Variants in EVL observed in about 807,000 individuals in gnomAD.
The protein encoded by EVL is Enah/Vasp-like.
Under a neutral mutation model 59.6 loss-of-function variants are expected in EVL, and 21 were observed. That is an observed-to-expected ratio of 0.35 (90% CI 0.25 to 0.51). EVL has a LOEUF of 0.51. Ranked by LOEUF, EVL falls within the 20% of genes least tolerant of loss-of-function variation. The pLI, the probability that EVL is intolerant of heterozygous loss-of-function variation, is 0.97. For synonymous variants in EVL, 198 were observed against 203.5 expected (o/e 0.97, Z 0.23); for missense variants, 462 against 546.6 (o/e 0.85, Z 1.54).
At chr14:99,990,910 G>A (rs568804992) in intron 1 of EVL, among the ~76,000 whole-genome samples, 1 of 152,234 alleles carries the variant, frequency 6.6e-6, no homozygotes, top group Admixed American at 6.5e-5. Context: ...GAGAGGGGGT[G>A]TGTATGTGTG....
chr14:99,997,996 C>A (rs2060924574), intron 1 of EVL, among the ~76,000 whole-genome samples: 1 of 152,042 alleles, frequency 6.6e-6, no homozygotes, highest in Non-Finnish European at 1.5e-5. Context: ...CATTCAACAA[C>A]TCTTTATTTA....
intron 1 of EVL, among the ~76,000 whole-genome samples, chr14:99,984,526 TAC>T (rs1261422709): frequency 1.3e-5 from 2 of 152,220 alleles, no homozygotes; most frequent in African/African-American, 4.8e-5. Context: ...GAGAAGGTTG[TAC>T]AGAGAGTTCC....
At chr14:100,065,223 G>A (rs1024961466), upstream of EVL, 2 of 209,040 alleles carry the variant, frequency 9.6e-6, no homozygotes, top group Admixed American at 5.9e-5. Flanking sequence ...TGCCAGCTGT[G>A]GGGGGTTGGG....
At chr14:100,123,662 G>C in intron 4 of EVL, 60 bp downstream of exon 4, 1 of 1,579,152 alleles carries the variant, frequency 6.3e-7, no homozygotes, top group Non-Finnish European at 8.7e-7. Flanking sequence ...GGTGGCCAGG[G>C]GTGCCTTCAG....
At chr14:99,975,560 G>A (rs2060764577) in intron 1 of EVL, among the ~76,000 whole-genome samples, 1 of 152,198 alleles carries the variant, frequency 6.6e-6, no homozygotes, top group Non-Finnish European at 1.5e-5. Flanking sequence ...GGGGGGTTAG[G>A]GGGGTAGTTT....
chr14:100,142,494 A>G (rs776340969), intron 13 of EVL, among the ~76,000 whole-genome samples: 4 of 152,252 alleles, frequency 2.6e-5, no homozygotes, highest in South Asian at 4.1e-4. Flanking sequence ...CCAGCTCCCC[A>G]CGTGCCTCCC....
intron 1 of EVL, among the ~76,000 whole-genome samples, chr14:100,016,748 G>A (rs945084369): frequency 6.6e-6 from 1 of 152,314 alleles, no homozygotes; most frequent in Admixed American, 6.5e-5. Flanking sequence ...AGTGGTCGAG[G>A]ATTTCTAGCC....
intron 4 of EVL, among the ~76,000 whole-genome samples, chr14:100,126,089 T>C (rs1046689754): frequency 2.4e-4 from 37 of 152,326 alleles, no homozygotes; most frequent in African/African-American, 7.2e-4. Flanking sequence ...GAGATGTATC[T>C]GGGCCTCAGT....
chr14:99,981,803 A>G (rs1428552719), intron 1 of EVL, among the ~76,000 whole-genome samples: 2 of 152,240 alleles, frequency 1.3e-5, no homozygotes, highest in Non-Finnish European at 2.9e-5. Context: ...ATTGGAAAAA[A>G]TGATGTCAAT....
At chr14:100,039,363 A>G (rs2061433908) in intron 1 of EVL, among the ~76,000 whole-genome samples, 2 of 152,234 alleles carry the variant, frequency 1.3e-5, no homozygotes, top group East Asian at 1.9e-4. Flanking sequence ...CAGCCTCCCA[A>G]GTAGCTGGGA....
At chr14:100,094,828 T>G (rs981626935) in intron 2 of EVL, among the ~76,000 whole-genome samples, 13 of 151,732 alleles carry the variant, frequency 8.6e-5, no homozygotes, top group Non-Finnish European at 1.6e-4. Context: ...GATCACGAGG[T>G]CAGGAGATTG....
At chr14:100,138,872 G>C (rs1489221545) in intron 11 of EVL, 2 of 152,326 alleles carry the variant, frequency 1.3e-5, no homozygotes, top group Admixed American at 6.5e-5. Context: ...GAGATCATGG[G>C]GACAGCCTCC....
chr14:100,087,594 A>T (rs1595157078), intron 2 of EVL, among the ~76,000 whole-genome samples: 2 of 152,352 alleles, frequency 1.3e-5, no homozygotes, highest in East Asian at 3.9e-4. Flanking sequence ...AGCCTGGGTG[A>T]CAGGGCGAGA....
chr14:100,134,597 T>C (rs937442285), intron 8 of EVL: 2 of 152,270 alleles, frequency 1.3e-5, no homozygotes, highest in African/African-American at 4.8e-5. Context: ...GAGAGGCTGA[T>C]GGCCGGCACT....
chr14:100,103,635 G>C (rs1886371551), intron 3 of EVL, among the ~76,000 whole-genome samples: 1 of 152,100 alleles, frequency 6.6e-6, no homozygotes, highest in African/African-American at 2.4e-5. Flanking sequence ...CCCAGGTGAG[G>C]ATGAGGCGCC....
intron 1 of EVL, among the ~76,000 whole-genome samples, chr14:100,081,694 G>A (rs1384491675): frequency 6.6e-6 from 1 of 152,084 alleles, no homozygotes; most frequent in African/African-American, 2.4e-5. Flanking sequence ...GGTTCTCTAC[G>A]TGCCGTGCAG....
chr14:100,119,053 C>G lies in EVL; in HGVS notation c.359-4486C>G, dbSNP rs1421951045. 2.0e-5 allele frequency among the ~76,000 whole-genome samples: 3 copies of G among 152,346 alleles called. 1 individual carries two copies. In the Middle Eastern group the frequency reaches 0.01, roughly 518 times the overall value. ...GAGGTCAGCCAGGGAACCTATGGCC[C>G]GTCCTGCTACCAGTGGTGAGCCCTG... On this transcript the variant is annotated intron_variant, in intron 3 of 13. Coordinates refer to ENST00000392920, the MANE Select transcript of EVL (RefSeq NM_016337.3).
chr14:100,081,483 T>C (rs1020824868), intron 1 of EVL, among the ~76,000 whole-genome samples: 1 of 148,372 alleles, frequency 6.7e-6, no homozygotes, highest in Admixed American at 6.8e-5. Context: ...TAACCACAAG[T>C]TTAATTTGAA....
intron 1 of EVL, among the ~76,000 whole-genome samples, chr14:100,084,243 G>A (rs1012738620): frequency 1.8e-4 from 28 of 152,014 alleles, no homozygotes; most frequent in African/African-American, 6.8e-4. Flanking sequence ...GAGGCAGGGG[G>A]CATCTCACCA....
Sources: gnomAD v4.1 joint callset for allele counts (sites outside exome capture counted in the v4.1 genomes callset) on GRCh38, gnomAD v4.1.1 for gene constraint, MANE v1.5 for transcripts, NCBI Gene and HGNC (gene_info 2026-07-23, HGNC 2026-07-21) for gene names.